Variants in ROBO2 observed in about 807,000 individuals in gnomAD.
ROBO2 encodes roundabout homolog 2.
ROBO2 carries 53 observed loss-of-function variants against 160.8 expected under a neutral mutation model. The observed-to-expected ratio is 0.33, with a 90% CI of 0.26 to 0.41. The LOEUF is 0.41. Ranked by LOEUF, ROBO2 falls within the 10% of genes least tolerant of loss-of-function variation. ROBO2 has a pLI of 1.00. For missense variants in ROBO2, 1,577 were observed against 1,722.4 expected, an observed-to-expected ratio of 0.92 and a Z score of 1.49; for synonymous variants, 664 against 611.7, an observed-to-expected ratio of 1.09 and a Z score of -1.26.
chr3:77,107,446 G>A (rs896268575), intron 2 of ROBO2, among the ~76,000 whole-genome samples: 14 of 152,030 alleles, frequency 9.2e-5, no homozygotes, highest in Admixed American at 2.0e-4. Flanking sequence ...CACATTTGTC[G>A]GTTCCTCATC....
chr3:76,751,837 G>T (rs1220419219), intron 2 of ROBO2, among the ~76,000 whole-genome samples: 2 of 152,156 alleles, frequency 1.3e-5, no homozygotes, highest in Admixed American at 6.5e-5. Context: ...CTTTTACACT[G>T]TTGGCGGGAC....
At chr3:76,456,884 C>T (rs557177076) in intron 2 of ROBO2, among the ~76,000 whole-genome samples, 5 of 152,192 alleles carry the variant, frequency 3.3e-5, no homozygotes, top group South Asian at 4.2e-4. Context: ...GGCAGAAACC[C>T]GTGATAAACC....
intron 2 of ROBO2, among the ~76,000 whole-genome samples, chr3:77,130,769 G>A (rs942687364): frequency 2.7e-4 from 41 of 152,088 alleles, no homozygotes; most frequent in African/African-American, 4.8e-5. Context: ...CTCTGTGTGT[G>A]TGCATAAAGG....
At position 77,141,086 on chromosome 3, in the gene ROBO2, G is replaced by T. The variant is rs547815860; in HGVS notation, c.388+42746G>T. On this transcript the variant is annotated intron_variant, in intron 2 of 25. Coordinates refer to ENST00000461745, the Ensembl canonical transcript of ROBO2. ...GTTATGACCCAATGTGATAATTTAG[G>T]ATTACAAAGAAAGTGTATGAAGTAT... Among the ~76,000 whole-genome samples the T allele has an allele frequency of 1.3e-3, 203 of 152,248 alleles. 1 individual carries two copies. Among genetic ancestry groups the T allele is most frequent in the African/African-American group, 4.6e-3 (193 of 41,544 alleles).
At chr3:76,716,303 G>T (rs539050186) in intron 2 of ROBO2, among the ~76,000 whole-genome samples, 6 of 152,220 alleles carry the variant, frequency 3.9e-5, no homozygotes, top group African/African-American at 1.4e-4. Context: ...AATAAAACTG[G>T]CATCATTACT....
At chr3:76,995,979 G>T (rs539719891) in intron 2 of ROBO2, among the ~76,000 whole-genome samples, 2 of 152,152 alleles carry the variant, frequency 1.3e-5, no homozygotes, top group East Asian at 1.9e-4. Flanking sequence ...GTCAATTTTG[G>T]CTTTTGTTGC....
chr3:76,387,134 A>C (rs569494376), intron 2 of ROBO2, among the ~76,000 whole-genome samples: 136 of 152,240 alleles, frequency 8.9e-4, no homozygotes, highest in African/African-American at 3.2e-3. Context: ...CTCACATGGC[A>C]GGGTCGAGGG....
intron 2 of ROBO2, among the ~76,000 whole-genome samples, chr3:76,487,576 T>C (rs1255037146): frequency 6.6e-6 from 1 of 152,122 alleles, no homozygotes; most frequent in Non-Finnish European, 1.5e-5. Flanking sequence ...CAAACACCAG[T>C]AGTCATAATA....
chr3:76,970,029 T>C (rs2059497990), intron 2 of ROBO2, among the ~76,000 whole-genome samples: 1 of 152,196 alleles, frequency 6.6e-6, no homozygotes, highest in South Asian at 2.1e-4. Context: ...CTTCAAAGTG[T>C]GAGCCTGGAA....
chr3:76,501,395 G>C (rs1226443472), intron 2 of ROBO2, among the ~76,000 whole-genome samples: 2 of 152,156 alleles, frequency 1.3e-5, no homozygotes, highest in African/African-American at 4.8e-5. Flanking sequence ...GAAAGTGGAG[G>C]AGATGAGAGG....
chr3:76,524,855 A>T lies in ROBO2; in HGVS notation c.110-573159A>T, dbSNP rs2081853443. On this transcript the variant is annotated intron_variant, in intron 2 of 26. Coordinates refer to the ROBO2 transcript ENST00000487694. ...AAAAAAAAAAAAAAAAAAAAAAAAA[A>T]AAAAAAAAAAATAAGTAAAATCAGA... is the stretch of plus-strand genomic sequence containing the variant. Among the ~76,000 whole-genome samples, 30 of 135,520 alleles carry T rather than the reference A, an allele frequency of 2.2e-4. 1 individual carries two copies. Among genetic ancestry groups the T allele is most frequent in the East Asian group, 7.6e-4 (3 of 3,968 alleles). The allele number at this position is 135,520 out of a possible 152,430, so 88.9% of individuals were successfully genotyped here.
intron 2 of ROBO2, among the ~76,000 whole-genome samples, chr3:76,642,297 T>C (rs1389821414): frequency 6.6e-6 from 1 of 151,168 alleles, no homozygotes; most frequent in Admixed American, 6.6e-5. Flanking sequence ...CGCTGTGATT[T>C]GATGTGGTCT....
intron 6 of ROBO2, among the ~76,000 whole-genome samples, chr3:77,533,568 A>G (rs2091899630): frequency 6.6e-6 from 1 of 152,084 alleles, no homozygotes; most frequent in Non-Finnish European, 1.5e-5. Flanking sequence ...TGGCTGTTGG[A>G]CAGGGTGACT....
chr3:77,035,244 C>T (rs1191875809), upstream of ROBO2, among the ~76,000 whole-genome samples: 1 of 151,870 alleles, frequency 6.6e-6, no homozygotes, highest in Non-Finnish European at 1.5e-5. Flanking sequence ...TGAACTGACA[C>T]TATGAAGATA....
intron 2 of ROBO2, among the ~76,000 whole-genome samples, chr3:76,479,201 T>C (rs1353018219): frequency 6.6e-6 from 1 of 152,196 alleles, no homozygotes; most frequent in Non-Finnish European, 1.5e-5. Flanking sequence ...GGTTTGTTAA[T>C]GGTATTCATG....
At chr3:76,511,298 G>T (rs762550909) in intron 2 of ROBO2, among the ~76,000 whole-genome samples, 1 of 152,094 alleles carries the variant, frequency 6.6e-6, no homozygotes, top group African/African-American at 2.4e-5. Flanking sequence ...CCAGTTCATT[G>T]TTATGCTAAT....
At chr3:76,196,435 T>C (rs950826183) in intron 2 of ROBO2, among the ~76,000 whole-genome samples, 1 of 152,134 alleles carries the variant, frequency 6.6e-6, no homozygotes, top group Non-Finnish European at 1.5e-5. Flanking sequence ...TCTCAAGAAT[T>C]CCTACAGGAA....
At chr3:76,227,687 G>T (rs905634235) in intron 2 of ROBO2, among the ~76,000 whole-genome samples, 4 of 152,046 alleles carry the variant, frequency 2.6e-5, no homozygotes, top group African/African-American at 9.7e-5. Flanking sequence ...TCTACTACTT[G>T]GCTATCTAAG....
intron 2 of ROBO2, among the ~76,000 whole-genome samples, chr3:76,131,267 T>G (rs2071210290): frequency 6.6e-6 from 1 of 152,162 alleles, no homozygotes; most frequent in Non-Finnish European, 1.5e-5. Flanking sequence ...GTGGAATTTA[T>G]GAAATGAAGA....
Sources: allele counts gnomAD v4.1 joint callset (sites outside exome capture counted in the v4.1 genomes callset), GRCh38; gene constraint gnomAD v4.1.1; transcripts MANE v1.5; gene names NCBI Gene and HGNC (gene_info 2026-07-23, HGNC 2026-07-21).